Variants in PLA2G5 observed in about 807,000 individuals in gnomAD.
The protein encoded by PLA2G5 is Ca2+-dependent phospholipase A2.
A neutral mutation model predicts 15.9 loss-of-function variants in PLA2G5; 12 were observed. The observed-to-expected ratio is 0.76, with a 90% confidence interval of 0.48 to 1.23. The LOEUF (loss-of-function observed/expected upper bound fraction) is 1.23, where lower values mean the gene tolerates loss of function less well. PLA2G5 is among the 50% of genes most tolerant of loss of function. PLA2G5 has a pLI of 0.00. For missense variants in PLA2G5, 169 were observed against 177.1 expected, an observed-to-expected ratio of 0.95 and a Z score of 0.26; for synonymous variants, 71 against 71.4, an observed-to-expected ratio of 0.99 and a Z score of 0.03.
chr1:20,068,451 G>GTTTT (rs5772880), upstream of PLA2G5, among the ~76,000 whole-genome samples: 12 of 133,592 alleles, frequency 9.0e-5, no homozygotes, highest in East Asian at 2.3e-3. Context: ...AAAAGTGGTA[G>GTTTT]TTTTTTTTTT....
intron 1 of PLA2G5, among the ~76,000 whole-genome samples, chr1:20,080,529 C>T (rs530258340): frequency 6.6e-6 from 1 of 152,306 alleles, no homozygotes; most frequent in East Asian, 1.9e-4. Flanking sequence ...CTGCAGTGAT[C>T]TGAGATAGGG....
intron 1 of PLA2G5, among the ~76,000 whole-genome samples, chr1:20,045,307 G>GC (rs1224811484): frequency 2.0e-5 from 3 of 151,994 alleles, no homozygotes; most frequent in African/African-American, 7.2e-5. Context: ...GGTGGTACTT[G>GC]CCCCCCTGGG....
At chr1:20,090,471 G>A (rs1296812903) in intron 4 of PLA2G5, 97 bp from the exon 5 acceptor site, 1 of 1,259,506 alleles carries the variant, frequency 7.9e-7, no homozygotes, top group African/African-American at 1.5e-5. Flanking sequence ...TCTTCCATCA[G>A]GCTGAAAGCT....
At chr1:20,087,124 A>C (rs2016331037) in intron 3 of PLA2G5, among the ~76,000 whole-genome samples, 1 of 152,254 alleles carries the variant, frequency 6.6e-6, no homozygotes, top group Non-Finnish European at 1.5e-5. Flanking sequence ...TTACATGTGG[A>C]AGTATGCATA....
At chr1:20,085,026 C>T (rs1027202682) in intron 2 of PLA2G5, among the ~76,000 whole-genome samples, 156 bp downstream of exon 2, 3 of 152,106 alleles carry the variant, frequency 2.0e-5, no homozygotes, top group African/African-American at 4.8e-5. Context: ...TTCATGCCTC[C>T]GAGCCTCTGC....
At chr1:20,057,978 G>T (rs766991947) in intron 1 of PLA2G5, among the ~76,000 whole-genome samples, 1 of 151,794 alleles carries the variant, frequency 6.6e-6, no homozygotes. Context: ...TTCCATTGTG[G>T]TCTAAAAGCA....
At chr1:20,031,798 A>G (rs2012963199) in intron 1 of PLA2G5, among the ~76,000 whole-genome samples, 1 of 152,086 alleles carries the variant, frequency 6.6e-6, no homozygotes, top group Non-Finnish European at 1.5e-5. Flanking sequence ...GCACCCATCC[A>G]CTTAGATTGG....
At chr1:20,087,852 T>C (rs918530829) in intron 3 of PLA2G5, among the ~76,000 whole-genome samples, 12 of 152,194 alleles carry the variant, frequency 7.9e-5, no homozygotes, top group Non-Finnish European at 1.5e-4. Context: ...AAGTGGCACC[T>C]GTGCTGACTG....
chr1:20,040,134 C>T (rs2013512343), intron 1 of PLA2G5, among the ~76,000 whole-genome samples: 1 of 152,088 alleles, frequency 6.6e-6, no homozygotes, highest in African/African-American at 2.4e-5. Flanking sequence ...CAATGTGTTC[C>T]TTTGTTATTT....
At chr1:20,088,808 T>G (rs2016423314) in intron 3 of PLA2G5, 1 of 153,240 alleles carries the variant, frequency 6.5e-6, no homozygotes, top group Admixed American at 6.5e-5. Context: ...AACCATTTTT[T>G]TTTTTCTTTG....
chr1:20,039,205 A>G (rs2013449845), intron 1 of PLA2G5, among the ~76,000 whole-genome samples: 1 of 152,192 alleles, frequency 6.6e-6, no homozygotes, highest in African/African-American at 2.4e-5. Flanking sequence ...TTTGCTCCAG[A>G]GGAGAGGGCT....
At position 20,090,769 on chromosome 1, in the gene PLA2G5, T is replaced by G. The variant is rs2016531831; in HGVS notation, c.*77T>G. The G allele has an allele frequency of 6.7e-7, 1 of 1,494,724 alleles. No homozygotes were observed. The highest frequency in any genetic ancestry group is 9.3e-7 in the Non-Finnish European group (1 of 1,076,222). 92.6% of individuals were successfully genotyped at this position (1,494,724 alleles called of 1,614,324 possible). Reference sequence around the variant, plus strand: ...AACACAGAGTACTGACTCTGCCTGGTTCCTGAGAGAGGCTCCTAAGTCACA... The same window carrying G: ...AACACAGAGTACTGACTCTGCCTGGGTCCTGAGAGAGGCTCCTAAGTCACA... On this transcript the variant is annotated 3_prime_UTR_variant, in exon 5 of 5. Transcript: ENST00000375108.
At chr1:20,049,577 C>T (rs11804191) in intron 1 of PLA2G5, among the ~76,000 whole-genome samples, 18,577 of 152,078 alleles carry the variant, frequency 0.12, 1,369 homozygotes, top group Admixed American at 0.23. Flanking sequence ...TTGCTGTTCT[C>T]ATGATAGTGA....
chr1:20,067,973 G>A (rs1428266182), upstream of PLA2G5, among the ~76,000 whole-genome samples: 1 of 151,992 alleles, frequency 6.6e-6, no homozygotes. Flanking sequence ...ACAAAAATTA[G>A]CCAGGCATGG....
chr1:20,046,502 G>T (rs2013913680), intron 1 of PLA2G5, among the ~76,000 whole-genome samples: 1 of 152,012 alleles, frequency 6.6e-6, no homozygotes. Context: ...TCCCTCTCTT[G>T]CCATCTGCAG....
intron 1 of PLA2G5, among the ~76,000 whole-genome samples, chr1:20,048,172 T>C (rs978301332): frequency 6.6e-6 from 1 of 152,146 alleles, no homozygotes; most frequent in African/African-American, 2.4e-5. Flanking sequence ...TTGAATCAAA[T>C]AGTTTATCAG....
chr1:20,034,422 T>C (rs2013135914), intron 1 of PLA2G5, among the ~76,000 whole-genome samples: 1 of 152,150 alleles, frequency 6.6e-6, no homozygotes, highest in Non-Finnish European at 1.5e-5. Context: ...TAGGGGAATA[T>C]GGGAGACTAG....
At chr1:20,071,459 A>G (rs973013543) in intron 1 of PLA2G5, among the ~76,000 whole-genome samples, 1 of 152,182 alleles carries the variant, frequency 6.6e-6, no homozygotes, top group Non-Finnish European at 1.5e-5. Context: ...ATGTCAAAGT[A>G]TTAATAAAAG....
intron 2 of PLA2G5, among the ~76,000 whole-genome samples, chr1:20,085,530 C>T (rs1252252623): frequency 6.6e-6 from 1 of 151,852 alleles, no homozygotes; most frequent in East Asian, 1.9e-4. Flanking sequence ...CTGGCTTCAG[C>T]GATTTCTAAG....
Sources: gnomAD v4.1 joint callset for allele counts (sites outside exome capture counted in the v4.1 genomes callset) on GRCh38, gnomAD v4.1.1 for gene constraint, MANE v1.5 for transcripts, NCBI Gene and HGNC (gene_info 2026-07-23, HGNC 2026-07-21) for gene names.